XPO5: variants seen among roughly 807,000 people sequenced by gnomAD.
XPO5 encodes the protein exportin 5.
In XPO5, 46 loss-of-function variants were observed where a neutral mutation model predicts 160.6. That is an observed-to-expected ratio of 0.29 (90% CI 0.23 to 0.37). The LOEUF (loss-of-function observed/expected upper bound fraction) is 0.37, where lower values mean the gene tolerates loss of function less well. Among genes scored for constraint, XPO5 ranks in the 10% least tolerant of loss-of-function variants. The pLI is 1.00. For synonymous variants in XPO5, 537 were observed against 519.3 expected, an observed-to-expected ratio of 1.03 and a Z score of -0.46; for missense variants, 1,090 against 1,463.9, an observed-to-expected ratio of 0.74 and a Z score of 4.17.
rs528641002 is a variant in XPO5 at position 43,523,431 on chromosome 6, G to A, written c.*437C>T. On this transcript the variant is annotated 3_prime_UTR_variant, in exon 32 of 32. Transcript: ENST00000265351. ...GCAAAAGGGCTCAGTGGGAGTTGGA[G>A]TGGTCCAAGAGAAACTCTGGCACAA... The A allele has an allele frequency of 2.2e-5, 7 of 321,904 alleles. No homozygotes were observed. Among genetic ancestry groups the A allele is most frequent in the Non-Finnish European group, 3.7e-5 (6 of 164,350 alleles). 19.9% of individuals were successfully genotyped at this position (321,904 alleles called of 1,614,324 possible).
At chr6:43,535,082 T>C (rs1444236302) in intron 20 of XPO5, among the ~76,000 whole-genome samples, 1 of 148,600 alleles carries the variant, frequency 6.7e-6, no homozygotes, top group Non-Finnish European at 1.5e-5. Flanking sequence ...CACGAGGTCA[T>C]GAGATCGAGA....
chr6:43,560,427 T>A, intron 10 of XPO5, 124 bp from the exon 11 acceptor site: 1 of 1,223,800 alleles, frequency 8.2e-7, no homozygotes, highest in Non-Finnish European at 1.1e-6. Flanking sequence ...TGAAGCTGTC[T>A]CTACTGCAAT....
At chr6:43,526,016 G>A in intron 27 of XPO5, 95 bp from the exon 28 acceptor site, 2 of 1,423,222 alleles carry the variant, frequency 1.4e-6, no homozygotes, top group African/African-American at 1.4e-5. Flanking sequence ...GCAAAGCTGA[G>A]TGTTCTAGGC....
rs1762664099 is a variant in XPO5, at chr6:43,565,732, T to C, written c.839A>G (p.Lys280Arg). 1 of 1,606,286 alleles carries C rather than the reference T, an allele frequency of 6.2e-7. No homozygotes were observed. The highest frequency in any genetic ancestry group is 1.7e-5 in the Admixed American group (1 of 58,828). The change falls in exon 8 of 32, where the codon AAG (lysine) becomes AGG (arginine). Residue 280 changes from lysine (K) to arginine (R), a missense_variant. Lys to Arg is a conservative substitution (Grantham distance 26, BLOSUM62 2). Coordinates refer to ENST00000265351, the MANE Select transcript of XPO5 (RefSeq NM_020750.3). ...CATCAAGGGCTTCCGGTCTTCCAAC[T>C]TGCCCTAGACCCAATTTTAGGGAAA... is the stretch of plus-strand genomic sequence containing the variant. ...CLLIAVSRKG[K>R]LEDRKPLMVL...
At chr6:43,568,805 C>A (rs1762839369) in intron 5 of XPO5, 68 bp from the exon 6 acceptor site, 3 of 1,360,792 alleles carry the variant, frequency 2.2e-6, no homozygotes, top group Admixed American at 2.4e-5. Flanking sequence ...TTCTACCCCC[C>A]ACAAATCAAT....
In XPO5 at chr6:43,572,493, A is replaced by G; in HGVS notation, c.300+13T>C. ...TACCTTGGAAACATGTCTCCCAACC[A>G]CCCATTCCTTACATTTGCAATCAGC... On this transcript the variant is annotated intron_variant, in intron 3 of 31. Coordinates refer to ENST00000265351, the MANE Select transcript of XPO5 (RefSeq NM_020750.3). 6.2e-7 allele frequency: 1 copy of G among 1,613,542 alleles called. No individual in the cohort carries two copies. The highest frequency in any genetic ancestry group is 8.5e-7 in the Non-Finnish European group (1 of 1,179,622).
intron 17 of XPO5, among the ~76,000 whole-genome samples, chr6:43,549,229 T>C (rs561035605): frequency 2.6e-5 from 4 of 152,154 alleles, no homozygotes; most frequent in Non-Finnish European, 5.9e-5. Context: ...GCCCAGCTAA[T>C]TTTTTTGTAC....
chr6:43,548,521 G>A (rs879838077), intron 17 of XPO5, 61 bp from the exon 18 acceptor site: 26 of 1,384,538 alleles, frequency 1.9e-5, no homozygotes, highest in Middle Eastern at 1.9e-4. Context: ...AGGAGAGGTG[G>A]CTTACTCAAG....
chr6:43,530,391 A>G (rs1258475373), intron 23 of XPO5, among the ~76,000 whole-genome samples: 1 of 152,070 alleles, frequency 6.6e-6, no homozygotes, highest in African/African-American at 2.4e-5. Flanking sequence ...ACTGCACTCC[A>G]GCCTGTGCAA....
rs1297779358 is a variant in XPO5 at position 43,552,215 on chromosome 6, GCCCGGC to G, written c.1573-768_1573-763del. Among the ~76,000 whole-genome samples the G allele has an allele frequency of 1.7e-4, 26 of 152,108 alleles. 1 individual carries two copies. The East Asian group carries it at 4.6e-3, about 27-fold the overall frequency. On this transcript the variant is annotated intron_variant, in intron 14 of 31. Transcript: ENST00000265351. Reference sequence around the variant, plus strand: ...TGGGATTACAGGCACCCATGACCATGCCCGGCTAATTTTTGTATTTTTAGTAGAGAC... The same window carrying G: ...TGGGATTACAGGCACCCATGACCATGTAATTTTTGTATTTTTAGTAGAGAC...
At chr6:43,544,691 T>C (rs1794879830) in intron 20 of XPO5, among the ~76,000 whole-genome samples, 1 of 152,074 alleles carries the variant, frequency 6.6e-6, no homozygotes, top group African/African-American at 2.4e-5. Context: ...TTTGGGAGAC[T>C]GAAGCAGGCT....
intron 12 of XPO5, among the ~76,000 whole-genome samples, chr6:43,556,480 C>A (rs537351166): frequency 7.1e-4 from 105 of 148,878 alleles, no homozygotes; most frequent in Admixed American, 1.5e-3. Context: ...GAGCCATGAT[C>A]GCAGCACCAC....
At chr6:43,554,193 G>A (rs1164808098) in intron 13 of XPO5, among the ~76,000 whole-genome samples, 1 of 151,288 alleles carries the variant, frequency 6.6e-6, no homozygotes, top group Non-Finnish European at 1.5e-5. Flanking sequence ...TGCAACATTA[G>A]CCTCCCAGGT....
At chr6:43,570,305 C>T (rs1762942594) in intron 5 of XPO5, among the ~76,000 whole-genome samples, 197 bp downstream of exon 5, 1 of 121,884 alleles carries the variant, frequency 8.2e-6, no homozygotes, top group Non-Finnish European at 1.7e-5. Context: ...GAGCGAGCCT[C>T]CGTCTCAAAA....
rs750759656 is a variant in XPO5, at chr6:43,570,549, A to C, written c.574T>G (p.Phe192Val). ...LTQNMERIFSFLLNTLQENVN... is the reference protein window; with the variant it reads ...LTQNMERIFSVLLNTLQENVN... ...TTTTCTTGAAGTGTGTTAAGCAGAA[A>C]ACTGAAGATCCTTTCCATGTTCTGG... The change falls in exon 5 of 32, where the codon TTT becomes GTT. Residue 192 changes from phenylalanine to valine, a missense_variant. This residue lies in a region of XPO5 where 110 missense variants were observed against 97.9 expected (regional missense o/e 1.12). Transcript: ENST00000265351. 33 of 1,613,630 alleles carry C rather than the reference A, an allele frequency of 2.0e-5. No homozygotes were observed. The highest frequency in any genetic ancestry group is 2.8e-5 in the Non-Finnish European group (33 of 1,179,852).
chr6:43,560,126 C>T, intron 11 of XPO5, 52 bp downstream of exon 11: 4 of 1,587,870 alleles, frequency 2.5e-6, no homozygotes, highest in Non-Finnish European at 3.4e-6. Context: ...GCCTCAAAGT[C>T]TTATTATGTG....
intron 14 of XPO5, among the ~76,000 whole-genome samples, chr6:43,552,449 T>A (rs1037236112): frequency 6.6e-6 from 1 of 151,942 alleles, no homozygotes; most frequent in Non-Finnish European, 1.5e-5. Context: ...GCCTCCTGGG[T>A]TCAAGCGATT....
At chr6:43,565,958 T>C (rs1301210708) in intron 7 of XPO5, among the ~76,000 whole-genome samples, 1 of 152,196 alleles carries the variant, frequency 6.6e-6, no homozygotes, top group African/African-American at 2.4e-5. Flanking sequence ...AACTTACATT[T>C]TTAAATGTGT....
chr6:43,569,647 C>G (rs867405441), intron 5 of XPO5, among the ~76,000 whole-genome samples: 16 of 151,502 alleles, frequency 1.1e-4, no homozygotes, highest in South Asian at 4.2e-4. Context: ...GCAGGAGAAT[C>G]GCTTGAACCC....
Sources: gnomAD v4.1 joint callset for allele counts (sites outside exome capture counted in the v4.1 genomes callset) on GRCh38, gnomAD v4.1.1 for gene constraint, gnomAD v4.1.1 regional missense constraint, MANE v1.5 for transcripts, NCBI Gene and HGNC (gene_info 2026-07-23, HGNC 2026-07-21) for gene names.